Variants in BBX observed in about 807,000 individuals in gnomAD.
BBX encodes HMG box transcription factor BBX.
Under a neutral mutation model 100.2 loss-of-function variants are expected in BBX, and 30 were observed. The ratio of observed to expected loss-of-function variants is 0.30; its 90% CI spans 0.22 to 0.41. The LOEUF is 0.41. Among genes scored for constraint, BBX ranks in the 10% least tolerant of loss-of-function variants. The pLI is 1.00. For synonymous variants in BBX, 376 were observed against 388.1 expected (o/e 0.97, Z 0.37); for missense variants, 1,023 against 1,129.8 (o/e 0.91, Z 1.35).
chr3:107,632,710 T>C (rs2056619372), intron 2 of BBX, among the ~76,000 whole-genome samples: 1 of 152,232 alleles, frequency 6.6e-6, no homozygotes, highest in Non-Finnish European at 1.5e-5. Context: ...ATAAGGCATG[T>C]TAATTCTACA....
intron 3 of BBX, among the ~76,000 whole-genome samples, chr3:107,699,786 A>G (rs1013455685): frequency 1.3e-5 from 2 of 151,786 alleles, no homozygotes; most frequent in Non-Finnish European, 2.9e-5. Flanking sequence ...CCACAAGGGT[A>G]TGGTGGAGGC....
chr3:107,796,515 G>A (rs1384606187), intron 15 of BBX, among the ~76,000 whole-genome samples: 1 of 152,198 alleles, frequency 6.6e-6, no homozygotes, highest in Non-Finnish European at 1.5e-5. Context: ...GACAGCTGAT[G>A]GATCTGGATA....
chr3:107,555,385 T>C (rs1013751733), intron 2 of BBX, among the ~76,000 whole-genome samples: 13 of 152,194 alleles, frequency 8.5e-5, no homozygotes, highest in African/African-American at 2.9e-4. Context: ...GAAGGTAATA[T>C]GCAAAGGGCT....
At chr3:107,679,728 T>G (rs1342173618) in intron 3 of BBX, among the ~76,000 whole-genome samples, 4 of 152,276 alleles carry the variant, frequency 2.6e-5, no homozygotes, top group East Asian at 3.9e-4. Flanking sequence ...CAGTCCAGGC[T>G]TTCTCTTTCC....
In BBX at chr3:107,728,811, C is replaced by T. The variant is rs774175551; in HGVS notation, c.452C>T (p.Pro151Leu). ...MKANPGYKWC[P>L]TTNKPVKSPT... ...GCAAATCCTGGCTACAAATGGTGTC[C>T]TACCACAAACAAGCCTGTGAAATCC... The change falls in exon 6 of 18, where the codon CCT becomes CTT. Residue 151 changes from proline (P) to leucine (L), a missense_variant. By Grantham distance (98) the Pro-to-Leu change is moderately conservative. This residue lies in a region of BBX where 229 missense variants were observed against 226.3 expected (regional missense o/e 1.01). Transcript: ENST00000325805. 1.2e-6 allele frequency: 2 copies of T among 1,613,686 alleles called. No individual in the cohort carries two copies. Among genetic ancestry groups the T allele is most frequent in the Non-Finnish European group, 1.7e-6 (2 of 1,179,784 alleles).
At chr3:107,584,238 T>C (rs2052642655) in intron 2 of BBX, among the ~76,000 whole-genome samples, 1 of 116,364 alleles carries the variant, frequency 8.6e-6, no homozygotes, top group Admixed American at 1.3e-4. Flanking sequence ...GTATAAAGTA[T>C]AAAGTATAAA....
intron 13 of BBX, 46 bp from the exon 14 acceptor site, chr3:107,789,741 G>A (rs2068797859): frequency 1.6e-6 from 2 of 1,279,942 alleles, no homozygotes; most frequent in South Asian, 1.6e-5. Context: ...TATTTTTTAT[G>A]AAACATTGTG....
chr3:107,672,606 A>G (rs1182005692), intron 3 of BBX, among the ~76,000 whole-genome samples: 1 of 152,046 alleles, frequency 6.6e-6, no homozygotes, highest in African/African-American at 2.4e-5. Flanking sequence ...AGAATAGAGG[A>G]AGAGTATCAA....
rs2071152361 is a variant in BBX at position 107,808,156 on chromosome 3, C to T, written c.*2699C>T. On this transcript the variant is annotated 3_prime_UTR_variant, in exon 18 of 18. Coordinates refer to ENST00000325805, the MANE Select transcript of BBX (RefSeq NM_001142568.3). ...CTCATTCTTTTTTATTTTGGAAAAT[C>T]ATATTGCTATAGTGTGTACTTTAAT... 1 of 152,054 alleles carries T rather than the reference C, an allele frequency of 6.6e-6. No individual in the cohort carries two copies. Among genetic ancestry groups the T allele is most frequent in the Non-Finnish European group, 1.5e-5 (1 of 68,004 alleles). 9.4% of individuals were successfully genotyped at this position (152,054 alleles called of 1,614,324 possible).
chr3:107,714,843 T>G (rs980894206), intron 4 of BBX, among the ~76,000 whole-genome samples: 1 of 151,906 alleles, frequency 6.6e-6, no homozygotes, highest in African/African-American at 2.4e-5. Flanking sequence ...TGGAGTGTAG[T>G]GGTGTGATCT....
intron 2 of BBX, among the ~76,000 whole-genome samples, chr3:107,616,005 C>CTTTT (rs59614452): frequency 2.1e-4 from 4 of 19,246 alleles, no homozygotes; most frequent in Admixed American, 6.7e-4. Context: ...TACTCACCTG[C>CTTTT]TTTTTTTTTT....
intron 2 of BBX, among the ~76,000 whole-genome samples, chr3:107,543,620 A>C (rs1466361041): frequency 1.3e-5 from 2 of 152,258 alleles, no homozygotes; most frequent in Non-Finnish European, 2.9e-5. Context: ...GTGAAAACAG[A>C]GCAAGAATTT....
Position 107,805,526 on chromosome 3 carries a change from AG to A in BBX, c.*70del. ...AGCCTTGTCTTTACCGAGGGATGCT[AG>A]TGAGTCCAAGTGGTGGAAAATATAG... On this transcript the variant is annotated 3_prime_UTR_variant, in exon 18 of 18. Coordinates refer to ENST00000325805, the MANE Select transcript of BBX (RefSeq NM_001142568.3). 6.2e-7 allele frequency: 1 copy of A among 1,612,408 alleles called. No homozygotes were observed.
chr3:107,791,130 T>G, intron 14 of BBX, 110 bp from the exon 15 acceptor site: 2 of 810,044 alleles, frequency 2.5e-6, no homozygotes, highest in South Asian at 1.9e-5. Flanking sequence ...TTCAGCTTTA[T>G]TTGTGTGATG....
chr3:107,603,781 C>A (rs1377439302), intron 2 of BBX, among the ~76,000 whole-genome samples: 1 of 152,110 alleles, frequency 6.6e-6, no homozygotes, highest in Non-Finnish European at 1.5e-5. Flanking sequence ...GACCCCTCAG[C>A]AGCAAAGGGT....
At chr3:107,784,886 C>G (rs2068257413) in intron 13 of BBX, among the ~76,000 whole-genome samples, 1 of 151,420 alleles carries the variant, frequency 6.6e-6, no homozygotes, top group African/African-American at 2.4e-5. Flanking sequence ...AAAACTAGTC[C>G]TTTGAAAATA....
chr3:107,622,211 C>A (rs973473340), intron 2 of BBX, among the ~76,000 whole-genome samples: 9 of 152,152 alleles, frequency 5.9e-5, no homozygotes, highest in Non-Finnish European at 1.3e-4. Flanking sequence ...CTTTTGAGAT[C>A]GCCTTCTTTC....
rs532883561 is a variant in BBX at position 107,699,806 on chromosome 3, G to GC, written c.-9-10643dup. On this transcript the variant is annotated intron_variant, in intron 3 of 17. Transcript: ENST00000325805. Reference sequence around the variant, plus strand: ...AGGGTATGGTGGAGGCAGAGGCCTGGCCCAGACAAGATATTTTCTCGAGAG... The same window carrying GC: ...AGGGTATGGTGGAGGCAGAGGCCTGGCCCCAGACAAGATATTTTCTCGAGAG... Among the ~76,000 whole-genome samples the GC allele has an allele frequency of 4.9e-4, 75 of 152,054 alleles. 2 individuals carry two copies. The highest frequency in any genetic ancestry group is 1.7e-3 in the African/African-American group (70 of 41,318).
chr3:107,795,607 CG>C (rs1668470488), intron 15 of BBX, among the ~76,000 whole-genome samples: 1 of 135,992 alleles, frequency 7.4e-6, no homozygotes. Context: ...GAACCTCCGA[CG>C]TAGTCTTTTT....
Sources: allele counts gnomAD v4.1 joint callset (sites outside exome capture counted in the v4.1 genomes callset), GRCh38; gene constraint gnomAD v4.1.1; regional missense constraint gnomAD v4.1.1; transcripts MANE v1.5; gene names NCBI Gene and HGNC (gene_info 2026-07-23, HGNC 2026-07-21).